Variants in CDK14 observed in about 807,000 individuals in gnomAD.
CDK14 encodes the protein cyclin dependent kinase 14, also known as cyclin-dependent kinase 14.
CDK14 carries 34 observed loss-of-function variants against 60.7 expected under a neutral mutation model. That is an observed-to-expected ratio of 0.56 (90% CI 0.43 to 0.75). The LOEUF is 0.75. CDK14 is among the 30% of genes least tolerant of loss of function. CDK14 has a pLI of 0.00. For missense variants in CDK14, 482 were observed against 564.1 expected (o/e 0.85, Z 1.47); for synonymous variants, 197 against 203.7 (o/e 0.97, Z 0.28).
chr7:91,101,134 AAG>A (rs1444301312), intron 12 of CDK14, among the ~76,000 whole-genome samples: 1 of 152,234 alleles, frequency 6.6e-6, no homozygotes, highest in African/African-American at 2.4e-5. Flanking sequence ...ATTAAAGGAA[AAG>A]AGAGAAATAT....
At chr7:90,689,020 G>A (rs1172736956) in intron 2 of CDK14, among the ~76,000 whole-genome samples, 1 of 152,080 alleles carries the variant, frequency 6.6e-6, no homozygotes, top group Non-Finnish European at 1.5e-5. Context: ...CACAGTGCTT[G>A]CCTTTGTGGA....
intron 14 of CDK14, among the ~76,000 whole-genome samples, chr7:91,150,974 AG>A (rs1032024147): frequency 2.6e-5 from 4 of 152,210 alleles, no homozygotes; most frequent in African/African-American, 9.6e-5. Flanking sequence ...TAATGCATAA[AG>A]TATTTTTATT....
intron 5 of CDK14, among the ~76,000 whole-genome samples, chr7:90,845,926 C>T (rs1476772072): frequency 1.3e-5 from 2 of 152,042 alleles, no homozygotes; most frequent in African/African-American, 4.8e-5. Flanking sequence ...CCATCTTTTC[C>T]AACAGTAATC....
chr7:90,894,744 A>G (rs373282012), intron 6 of CDK14, among the ~76,000 whole-genome samples: 15 of 152,238 alleles, frequency 9.9e-5, no homozygotes, highest in African/African-American at 3.6e-4. Context: ...TTGGCATTCT[A>G]TAAATACATG....
chr7:91,057,561 C>T (rs553174992), intron 11 of CDK14, among the ~76,000 whole-genome samples: 1 of 152,148 alleles, frequency 6.6e-6, no homozygotes, highest in Non-Finnish European at 1.5e-5. Context: ...AGTCTTTAAT[C>T]CATCTTGAAT....
chr7:91,012,034 A>G (rs1796174813), intron 10 of CDK14, among the ~76,000 whole-genome samples: 2 of 152,066 alleles, frequency 1.3e-5, no homozygotes, highest in Admixed American at 1.3e-4. Context: ...CAGATTCTAG[A>G]TATTTTTATA....
chr7:90,902,656 A>G (rs1049651968), intron 7 of CDK14, among the ~76,000 whole-genome samples: 1 of 152,160 alleles, frequency 6.6e-6, no homozygotes, highest in East Asian at 1.9e-4. Flanking sequence ...AACTCATGCA[A>G]GAAAACATGG....
intron 6 of CDK14, among the ~76,000 whole-genome samples, chr7:90,891,114 G>A (rs767200823): frequency 1.3e-5 from 2 of 152,132 alleles, no homozygotes; most frequent in Non-Finnish European, 2.9e-5. Flanking sequence ...ACCACATGGG[G>A]TACCACAGAA....
chr7:90,927,391 A>T (rs572050435), intron 8 of CDK14, among the ~76,000 whole-genome samples: 66 of 152,282 alleles, frequency 4.3e-4, no homozygotes, highest in African/African-American at 1.5e-3. Context: ...AAGACCAAAT[A>T]TTATAACAAA....
chr7:90,753,856 A>G (rs1327326996), intron 4 of CDK14, among the ~76,000 whole-genome samples: 1 of 152,226 alleles, frequency 6.6e-6, no homozygotes, highest in Non-Finnish European at 1.5e-5. Flanking sequence ...TGAGAATTAA[A>G]TCAAGAATGC....
At chr7:90,932,102 C>G (rs1204040546) in intron 8 of CDK14, among the ~76,000 whole-genome samples, 1 of 152,182 alleles carries the variant, frequency 6.6e-6, no homozygotes, top group East Asian at 1.9e-4. Context: ...CGTGGGATGG[C>G]TGTTGTCCAC....
chr7:90,895,384 T>TCC (rs1792279694), intron 6 of CDK14, among the ~76,000 whole-genome samples: 6 of 4,328 alleles, frequency 1.4e-3, no homozygotes, highest in South Asian at 0.031. Flanking sequence ...CCCTCTCCTC[T>TCC]CCTCTCCTCT....
chr7:91,029,613 G>A (rs7458984), intron 10 of CDK14, among the ~76,000 whole-genome samples: 6 of 21,162 alleles, frequency 2.8e-4, no homozygotes, highest in Non-Finnish European at 5.2e-4. Flanking sequence ...CCTCTCCTCC[G>A]CTCCCCACTC....
At chr7:91,111,526 G>A (rs1226357691) in intron 12 of CDK14, among the ~76,000 whole-genome samples, 1 of 152,134 alleles carries the variant, frequency 6.6e-6, no homozygotes, top group Non-Finnish European at 1.5e-5. Context: ...AGAGAGCATG[G>A]CATATGCAAA....
intron 12 of CDK14, among the ~76,000 whole-genome samples, chr7:91,098,488 A>G (rs990159458): frequency 1.3e-5 from 2 of 151,838 alleles, no homozygotes; most frequent in African/African-American, 2.4e-5. Context: ...CATGTACCCT[A>G]GAACTTAAAA....
chr7:90,729,364 TTTTTTTTC>T (rs1416112113), intron 3 of CDK14, among the ~76,000 whole-genome samples: 6 of 130,034 alleles, frequency 4.6e-5, no homozygotes, highest in South Asian at 5.0e-4. Flanking sequence ...TTTTTTTTTT[TTTTTTTTC>T]CCCACTCATC....
At chr7:91,087,190 A>C (rs1798665814) in intron 12 of CDK14, among the ~76,000 whole-genome samples, 1 of 152,116 alleles carries the variant, frequency 6.6e-6, no homozygotes, top group African/African-American at 2.4e-5. Flanking sequence ...CCCTCTCTTC[A>C]TTTGGGGAGA....
chr7:90,857,057 T>C (rs1009169896), intron 5 of CDK14, among the ~76,000 whole-genome samples: 4 of 152,042 alleles, frequency 2.6e-5, no homozygotes, highest in Non-Finnish European at 5.9e-5. Flanking sequence ...CAAATAATGA[T>C]CTAGAAAATT....
At chr7:90,851,194 A>G (rs1046496073) in intron 5 of CDK14, among the ~76,000 whole-genome samples, 1 of 152,186 alleles carries the variant, frequency 6.6e-6, no homozygotes, top group Non-Finnish European at 1.5e-5. Context: ...TATTGTCCTC[A>G]ATGGTCAAAT....
Sources: allele counts gnomAD v4.1 joint callset (sites outside exome capture counted in the v4.1 genomes callset), GRCh38; gene constraint gnomAD v4.1.1; transcripts MANE v1.5; gene names NCBI Gene and HGNC (gene_info 2026-07-23, HGNC 2026-07-21).